Variants in UNKL observed in about 807,000 individuals in gnomAD.
UNKL encodes putative E3 ubiquitin-protein ligase UNKL.
A neutral mutation model predicts 78.0 loss-of-function variants in UNKL; 60 were observed. The observed-to-expected ratio is 0.77, with a 90% CI of 0.63 to 0.95. The LOEUF (loss-of-function observed/expected upper bound fraction) is 0.95. Ranked by LOEUF, UNKL falls within the 40% of genes least tolerant of loss-of-function variation. The probability of loss-of-function intolerance (pLI) is 0.00; values close to 1 mark genes in which losing one functional copy is unlikely to be tolerated. For synonymous variants in UNKL, 608 were observed against 474.8 expected, an observed-to-expected ratio of 1.28 and a Z score of -3.65; for missense variants, 1,159 against 1,045.7, an observed-to-expected ratio of 1.11 and a Z score of -1.49.
At chr16:1,413,400 C>T (rs927773163) in intron 2 of UNKL, among the ~76,000 whole-genome samples, 1 of 151,920 alleles carries the variant, frequency 6.6e-6, no homozygotes, top group Admixed American at 6.6e-5. Flanking sequence ...GAAACCCTGT[C>T]TCTACTAAAA....
chr16:1,385,358 G>A lies in UNKL; in HGVS notation c.1114C>T (p.His372Tyr), dbSNP rs765025097. 1.4e-6 allele frequency: 2 copies of A among 1,412,782 alleles called. No homozygotes were observed. Among genetic ancestry groups the A allele is most frequent in the South Asian group, 1.5e-5 (1 of 67,808 alleles). 87.5% of individuals were successfully genotyped at this position (1,412,782 alleles called of 1,614,324 possible). Residue 372 changes from histidine to tyrosine, a missense_variant, in exon 10 of 15, where the codon CAC (histidine) becomes TAC (tyrosine). By Grantham distance (83) the His-to-Tyr change is moderately conservative (BLOSUM62 2). Transcript: ENST00000389221. ...GAGCTCACGCTGGGGGCCGGCGGGT[G>A]GACCGCTGCAAACACGGCCAGGTGG... ...QNHLAVFAAV[H>Y]PPAPSVSSSV...
In UNKL at chr16:1,401,554, G is replaced by T. The variant is rs768549830; in HGVS notation, c.598+14C>A. 1.3e-6 allele frequency: 2 copies of T among 1,536,146 alleles called. No individual in the cohort carries two copies. The highest frequency in any genetic ancestry group is 1.8e-6 in the Non-Finnish European group (2 of 1,135,112). ...CCCCCCCACCACCGCCCTCAGCTGCGGCCGTGGAGTTACCTTGCCACCGGG... is the reference window on the plus strand; with the variant it reads ...CCCCCCCACCACCGCCCTCAGCTGCTGCCGTGGAGTTACCTTGCCACCGGG... On this transcript the variant is annotated intron_variant, in intron 4 of 14. Coordinates refer to ENST00000389221, the MANE Select transcript of UNKL (RefSeq NM_001372107.1).
Position 1,364,029 on chromosome 16 carries a change from G to A in UNKL, c.*2211C>T, listed in dbSNP as rs1490596768. The A allele has an allele frequency of 1.3e-5, 2 of 152,186 alleles. No homozygotes were observed. Among genetic ancestry groups the A allele is most frequent in the African/African-American group, 4.8e-5 (2 of 41,430 alleles). The allele number at this position is 152,186 out of a possible 1,614,324, so 9.4% of individuals were successfully genotyped here. ...CTGACAACCGGGAGATGTCTCGGCA[G>A]ACACCACTTATCCCAGAAAAGACCA... is the stretch of plus-strand genomic sequence containing the variant. On this transcript the variant is annotated 3_prime_UTR_variant, in exon 15 of 15. Coordinates refer to ENST00000389221, the MANE Select transcript of UNKL (RefSeq NM_001372107.1).
At chr16:1,398,687 C>A in intron 5 of UNKL, 1 of 1,144,006 alleles carries the variant, frequency 8.7e-7, no homozygotes. Flanking sequence ...CTGCACCCCC[C>A]CACCCCCCTC....
Position 1,394,131 on chromosome 16 carries a change from T to C in UNKL, c.937A>G (p.Lys313Glu). The change falls in exon 7 of 15, where the codon AAG (lysine) becomes GAG (glutamate). Residue 313 changes from lysine (K) to glutamate (E), a missense_variant and splice_region_variant. Physicochemically the swap from Lys to Glu is moderately conservative, Grantham distance 56. Transcript: ENST00000389221. The part of the protein sequence containing the change: ...GPFCAFAHVE[K>E]SLGMVNEWGC... ...ACCTGCCACAGGGACGGTTACTCAC[T>C]CTCAACGTGTGCAAAGGCACAGAAG... is the stretch of plus-strand genomic sequence containing the variant. 6.4e-7 allele frequency: 1 copy of C among 1,550,514 alleles called. No homozygotes were observed. The highest frequency in any genetic ancestry group is 8.7e-7 in the Non-Finnish European group (1 of 1,146,900).
chr16:1,368,073 GTCTC>G, intron 12 of UNKL: 8 of 573,274 alleles, frequency 1.4e-5, no homozygotes, highest in South Asian at 6.6e-5. Context: ...GCCCCGGCCG[GTCTC>G]CCCACCAGAT....
rs57595079 is a variant in UNKL at position 1,380,673 on chromosome 16, A to ATTTTTTTTTTTTTTTTTT, written c.1264+4517_1264+4534dup. On this transcript the variant is annotated intron_variant, in intron 10 of 14. Coordinates refer to ENST00000389221, the MANE Select transcript of UNKL (RefSeq NM_001372107.1). ...TTCACCTCTGAGTAGCTGGTTCAGG[A>ATTTTTTTTTTTTTTTTTT]TTTTTTTTTTTTTTTTTTTGAGAAC... 1.1e-3 allele frequency among the ~76,000 whole-genome samples: 111 copies of ATTTTTTTTTTTTTTTTTT among 99,388 alleles called. 8 individuals carry two copies. Among genetic ancestry groups the ATTTTTTTTTTTTTTTTTT allele is most frequent in the African/African-American group, 4.2e-3 (105 of 24,744 alleles). The allele number at this position is 99,388 out of a possible 152,430, so 65.2% of individuals were successfully genotyped here. A position where few individuals can be genotyped will look rare whatever the true frequency, so the allele number is the denominator to read the frequency against.
At position 1,365,227 on chromosome 16, in the gene UNKL, A is replaced by C. The variant is rs2035147868; in HGVS notation, c.*1013T>G. On this transcript the variant is annotated 3_prime_UTR_variant, in exon 15 of 15. Coordinates refer to ENST00000389221, the MANE Select transcript of UNKL (RefSeq NM_001372107.1). ...AGGCTGGTCTTGAACTCCTGACCTTAGGTGATCCACCCGCCTCCCAAAGTG... is the reference window on the plus strand; with the variant it reads ...AGGCTGGTCTTGAACTCCTGACCTTCGGTGATCCACCCGCCTCCCAAAGTG... 1 of 152,146 alleles carries C rather than the reference A, an allele frequency of 6.6e-6. No individual in the cohort carries two copies. Among genetic ancestry groups the C allele is most frequent in the Non-Finnish European group, 1.5e-5 (1 of 68,046 alleles). The allele number at this position is 152,146 out of a possible 1,614,324, so 9.4% of individuals were successfully genotyped here. A position where few individuals can be genotyped will look rare whatever the true frequency, so the allele number is the denominator to read the frequency against.
rs964601042 is a variant in UNKL at position 1,396,367 on chromosome 16, G to A, written c.852+811C>T. On this transcript the variant is annotated intron_variant, in intron 6 of 14. Coordinates refer to ENST00000389221, the MANE Select transcript of UNKL (RefSeq NM_001372107.1). Reference sequence around the variant, plus strand: ...CCTCCCGGGTTCAAGCGATCCTCACGTCTCAGCCTCCCAAGTTCAAGTGCT... The same window carrying A: ...CCTCCCGGGTTCAAGCGATCCTCACATCTCAGCCTCCCAAGTTCAAGTGCT... 4.0e-5 allele frequency among the ~76,000 whole-genome samples: 6 copies of A among 148,362 alleles called. No homozygotes were observed. In the East Asian group the frequency reaches 6.1e-4, roughly 15 times the overall value.
At chr16:1,408,772 G>T (rs1453146551) in intron 2 of UNKL, 1 of 152,438 alleles carries the variant, frequency 6.6e-6, no homozygotes, top group African/African-American at 2.4e-5. Flanking sequence ...GCCCTCCTGG[G>T]GTCCCAGTCC....
chr16:1,400,282 C>T (rs1249121298), intron 4 of UNKL, among the ~76,000 whole-genome samples: 1 of 151,330 alleles, frequency 6.6e-6, no homozygotes, highest in Non-Finnish European at 1.5e-5. Context: ...GCCGGGCATA[C>T]TGGTGCCTGC....
rs2037398386 is a variant in UNKL, at chr16:1,399,008, C to G, written c.734+366G>C. The G allele has an allele frequency of 2.1e-6, 3 of 1,462,310 alleles. No individual in the cohort carries two copies. The highest frequency in any genetic ancestry group is 2.7e-6 in the Non-Finnish European group (3 of 1,104,264). 90.6% of individuals were successfully genotyped at this position (1,462,310 alleles called of 1,614,324 possible). A position where few individuals can be genotyped will look rare whatever the true frequency, so the allele number is the denominator to read the frequency against. On this transcript the variant is annotated intron_variant, in intron 5 of 14. Coordinates refer to ENST00000389221, the MANE Select transcript of UNKL (RefSeq NM_001372107.1). This position sits in a 1 kb window ranked among gnomAD's most constrained non-coding sequence, Gnocchi z 5.8. ...GCCCCTGGCAGCTTGGGTGAGGAGA[C>G]AGCATGCAGCCCACAGGCTGGAGAG...
At chr16:1,367,916 T>C (rs1001560951) in intron 12 of UNKL, 58 bp from the exon 13 acceptor site, 1 of 1,460,808 alleles carries the variant, frequency 6.8e-7, no homozygotes, top group African/African-American at 1.4e-5. Flanking sequence ...CCTGGTGGGA[T>C]TGGTGGGTGC....
chr16:1,377,618 G>C (rs377657642), intron 10 of UNKL, among the ~76,000 whole-genome samples: 1 of 152,004 alleles, frequency 6.6e-6, no homozygotes, highest in Non-Finnish European at 1.5e-5. Context: ...TCTTGTCATA[G>C]GCACCAGCTT....
rs192738688 is a variant in UNKL, at chr16:1,398,383, T to C, written c.734+991A>G. 1.2e-3 allele frequency: 1,241 copies of C among 1,019,698 alleles called. 1 individual carries two copies. The highest frequency in any genetic ancestry group is 5.0e-3 in the Admixed American group (98 of 19,502). The allele number at this position is 1,019,698 out of a possible 1,614,324, so 63.2% of individuals were successfully genotyped here. ...GTGCCTGTTGAAAAAATAATTTTTA[T>C]TTTCTTTCCATGACGGGCGATGACA... is the stretch of plus-strand genomic sequence containing the variant. On this transcript the variant is annotated intron_variant, in intron 5 of 14. Coordinates refer to ENST00000389221, the MANE Select transcript of UNKL (RefSeq NM_001372107.1).
Position 1,385,215 on chromosome 16 carries a change from G to A in UNKL, c.1257C>T (p.Ala419=), listed in dbSNP as rs1361768190. 2.7e-5 allele frequency: 35 copies of A among 1,283,460 alleles called. No homozygotes were observed. Among genetic ancestry groups the A allele is most frequent in the Non-Finnish European group, 3.1e-5 (32 of 1,016,032 alleles). The allele number at this position is 1,283,460 out of a possible 1,614,324, so 79.5% of individuals were successfully genotyped here. ...PLGPASSTVE[A]VLGSALDLHL... ...GGACGGTGCTGGACTTACCGAGGAC[G>A]GCCTCCACAGTGCTGCTGGCGGGGC... The change falls in exon 10 of 15, where the codon GCC becomes GCT. Residue 419 remains alanine, a synonymous_variant. Coordinates refer to ENST00000389221, the MANE Select transcript of UNKL (RefSeq NM_001372107.1).
At chr16:1,414,549 C>A (rs1221699350) in intron 1 of UNKL, 66 bp downstream of exon 1, 6 of 677,278 alleles carry the variant, frequency 8.9e-6, no homozygotes, top group Non-Finnish European at 1.1e-5. Context: ...GCGGCGCGAG[C>A]CCCGGCGGGA....
intron 2 of UNKL, among the ~76,000 whole-genome samples, chr16:1,407,499 A>T (rs1027233771): frequency 3.3e-5 from 5 of 152,108 alleles, no homozygotes; most frequent in African/African-American, 7.2e-5. Flanking sequence ...ACTTGAGCCC[A>T]GGAGTTCGAA....
chr16:1,385,411 G>T lies in UNKL; in HGVS notation c.1087-26C>A. On this transcript the variant is annotated intron_variant, in intron 9 of 14. Transcript: ENST00000389221. ...CTGTTCAAAGACATAAACACCGTGAGCGCGCACCCCCTGCGTGGAGGAGGC... is the reference window on the plus strand; with the variant it reads ...CTGTTCAAAGACATAAACACCGTGATCGCGCACCCCCTGCGTGGAGGAGGC... 2 of 1,320,364 alleles carry T rather than the reference G, an allele frequency of 1.5e-6. 1 individual carries two copies. Among genetic ancestry groups the T allele is most frequent in the South Asian group, 3.9e-5 (2 of 51,014 alleles). The allele number at this position is 1,320,364 out of a possible 1,614,324, so 81.8% of individuals were successfully genotyped here.
Sources: allele counts gnomAD v4.1 joint callset (sites outside exome capture counted in the v4.1 genomes callset), GRCh38; gene constraint gnomAD v4.1.1; non-coding constraint Gnocchi (gnomAD v3.1); transcripts MANE v1.5; gene names NCBI Gene and HGNC (gene_info 2026-07-23, HGNC 2026-07-21).